SERTM1: variants seen among roughly 807,000 people sequenced by gnomAD.
SERTM1 encodes the protein serine rich and transmembrane domain containing 1.
SERTM1 carries 1 observed loss-of-function variant against 5.5 expected under a neutral mutation model. The ratio of observed to expected loss-of-function variants is 0.18; its 90% CI spans 0.06 to 0.86. SERTM1 has a LOEUF of 0.86. Among genes scored for constraint, SERTM1 ranks in the 40% least tolerant of loss-of-function variants. The pLI is 0.69. For missense variants in SERTM1, 91 were observed against 122.4 expected (o/e 0.74, Z 1.21); for synonymous variants, 52 against 55.1 (o/e 0.94, Z 0.25).
At chr13:36,679,803 T>A (rs1194857272) in intron 1 of SERTM1, among the ~76,000 whole-genome samples, 1 of 152,242 alleles carries the variant, frequency 6.6e-6, no homozygotes, top group African/African-American at 2.4e-5. Flanking sequence ...AAGAAAATAA[T>A]TCCTATGAGT....
chr13:36,681,547 A>G lies in SERTM1; in HGVS notation c.-174+7363A>G, dbSNP rs551004638. On this transcript the variant is annotated intron_variant, in intron 1 of 1. Coordinates refer to ENST00000315190, the MANE Select transcript of SERTM1 (RefSeq NM_203451.3). Reference sequence around the variant, plus strand: ...TTGAGATGGAGTAGCTAACAATCCTATGGTATGTGATATTCCTGAATGTAG... The same window carrying G: ...TTGAGATGGAGTAGCTAACAATCCTGTGGTATGTGATATTCCTGAATGTAG... 3.3e-5 allele frequency among the ~76,000 whole-genome samples: 5 copies of G among 152,310 alleles called. No homozygotes were observed. The East Asian group carries it at 7.7e-4, about 23-fold the overall frequency.
intron 1 of SERTM1, among the ~76,000 whole-genome samples, chr13:36,688,218 TA>T: frequency 6.6e-6 from 1 of 151,992 alleles, no homozygotes; most frequent in Admixed American, 6.5e-5. Flanking sequence ...TTATTTCATG[TA>T]TTTTTTTTTT....
At chr13:36,686,473 TAAC>T (rs1354796548) in intron 1 of SERTM1, among the ~76,000 whole-genome samples, 2 of 152,242 alleles carry the variant, frequency 1.3e-5, no homozygotes, top group African/African-American at 4.8e-5. Context: ...GCAAGAATAA[TAAC>T]AATAAATACC....
intron 1 of SERTM1, among the ~76,000 whole-genome samples, chr13:36,680,748 TTTTG>T (rs548383850): frequency 3.2e-4 from 49 of 152,256 alleles, no homozygotes; most frequent in Admixed American, 1.4e-3. Context: ...GTTGTTGTCG[TTTTG>T]TTTGTTTGTT....
At chr13:36,674,231 G>T (rs1443846910) in intron 1 of SERTM1, 47 bp downstream of exon 1, 1 of 152,104 alleles carries the variant, frequency 6.6e-6, no homozygotes, top group Non-Finnish European at 1.5e-5. Context: ...GGGTGAACTT[G>T]CCCTACGCGG....
chr13:36,682,773 T>C (rs970235876), intron 1 of SERTM1, among the ~76,000 whole-genome samples: 1 of 152,212 alleles, frequency 6.6e-6, no homozygotes, highest in African/African-American at 2.4e-5. Context: ...ATACAAATTA[T>C]AGATGCATTA....
At chr13:36,686,560 G>A (rs1423611964) in intron 1 of SERTM1, among the ~76,000 whole-genome samples, 4 of 152,056 alleles carry the variant, frequency 2.6e-5, no homozygotes, top group African/African-American at 7.2e-5. Flanking sequence ...ATGTATATGC[G>A]TAAGTGTGCA....
intron 1 of SERTM1, among the ~76,000 whole-genome samples, chr13:36,674,644 C>A (rs1018291818): frequency 1.6e-4 from 24 of 152,120 alleles, no homozygotes; most frequent in Admixed American, 6.5e-4. Context: ...TGTGGAGGGT[C>A]ATTCTTGGGT....
chr13:36,690,070 T>A (rs904472961), intron 1 of SERTM1, among the ~76,000 whole-genome samples: 1 of 152,244 alleles, frequency 6.6e-6, no homozygotes, highest in Admixed American at 6.5e-5. Flanking sequence ...TTTCTGATCA[T>A]TCATTTAGAT....
rs55906729 is a variant in SERTM1 at position 36,690,803 on chromosome 13, A to G, written c.-173-4103A>G. 6.9e-3 allele frequency among the ~76,000 whole-genome samples: 1,057 copies of G among 152,284 alleles called. 8 individuals carry two copies. The highest frequency in any genetic ancestry group is 0.011 in the Non-Finnish European group (778 of 68,006). ...TTTTGTGTACTGGAAAAAGCTTTTT[A>G]TTATGTTGTGTTAATACTTTGTGGC... On this transcript the variant is annotated intron_variant, in intron 1 of 1. Transcript: ENST00000315190.
chr13:36,696,328 T>C lies in SERTM1; in HGVS notation c.*926T>C, dbSNP rs2056813537. 6.0e-6 allele frequency: 1 copy of C among 166,620 alleles called. No individual in the cohort carries two copies. Among genetic ancestry groups the C allele is most frequent in the African/African-American group, 2.4e-5 (1 of 41,580 alleles). The allele number at this position is 166,620 out of a possible 1,614,324, so 10.3% of individuals were successfully genotyped here. On this transcript the variant is annotated 3_prime_UTR_variant, in exon 2 of 2. Coordinates refer to ENST00000315190, the MANE Select transcript of SERTM1 (RefSeq NM_203451.3). ...GGTTTCATAGTCTTTATAATTTTAGTGCAGAATTATATTAAGCCTCCAAGA... is the reference window on the plus strand; with the variant it reads ...GGTTTCATAGTCTTTATAATTTTAGCGCAGAATTATATTAAGCCTCCAAGA...
At chr13:36,688,805 TGTTGG>T (rs2056758938) in intron 1 of SERTM1, among the ~76,000 whole-genome samples, 1 of 152,234 alleles carries the variant, frequency 6.6e-6, no homozygotes, top group Admixed American at 6.5e-5. Flanking sequence ...TTTCTCTGGC[TGTTGG>T]CTTTTTCTGT....
intron 1 of SERTM1, among the ~76,000 whole-genome samples, chr13:36,684,254 A>G (rs1286755285): frequency 6.6e-6 from 1 of 151,986 alleles, no homozygotes; most frequent in Non-Finnish European, 1.5e-5. Context: ...CTGAGATCGC[A>G]CCACTGCACT....
chr13:36,687,505 C>CTT (rs372184145), intron 1 of SERTM1, among the ~76,000 whole-genome samples: 1 of 148,906 alleles, frequency 6.7e-6, no homozygotes, highest in African/African-American at 2.5e-5. Context: ...GGAATCTTTA[C>CTT]TTTTTTTTTT....
intron 1 of SERTM1, among the ~76,000 whole-genome samples, chr13:36,689,855 G>C (rs2056766900): frequency 6.6e-6 from 1 of 151,794 alleles, no homozygotes; most frequent in Non-Finnish European, 1.5e-5. Context: ...TTTTTGCTGA[G>C]GAAATATTTT....
At chr13:36,694,650 T>C (rs1432528043) in intron 1 of SERTM1, among the ~76,000 whole-genome samples, 1 of 152,232 alleles carries the variant, frequency 6.6e-6, no homozygotes, top group Admixed American at 6.5e-5. Flanking sequence ...ATCATAAATG[T>C]ATTTTCCCTT....
At position 36,695,741 on chromosome 13, in the gene SERTM1, G is replaced by A. The variant is rs767976409; in HGVS notation, c.*339G>A. On this transcript the variant is annotated 3_prime_UTR_variant, in exon 2 of 2. Transcript: ENST00000315190. ...CTCCGTGGATGCTGGACATGGACTCGCACTTCATTTCTTTTACAAAGCCGT... is the reference window on the plus strand; with the variant it reads ...CTCCGTGGATGCTGGACATGGACTCACACTTCATTTCTTTTACAAAGCCGT... 2.8e-5 allele frequency: 7 copies of A among 246,866 alleles called. No homozygotes were observed. Among genetic ancestry groups the A allele is most frequent in the Non-Finnish European group, 5.8e-5 (7 of 120,638 alleles). 15.3% of individuals were successfully genotyped at this position (246,866 alleles called of 1,614,324 possible).
chr13:36,686,396 A>C (rs529229903), intron 1 of SERTM1, among the ~76,000 whole-genome samples: 2 of 152,352 alleles, frequency 1.3e-5, no homozygotes, highest in East Asian at 3.9e-4. Context: ...ATATTTTCTT[A>C]AGTTCCTTGG....
chr13:36,677,143 TA>T (rs1198394678), intron 1 of SERTM1, among the ~76,000 whole-genome samples: 1 of 152,158 alleles, frequency 6.6e-6, no homozygotes. Flanking sequence ...TCTCATGACA[TA>T]AAATGCGTCC....
Sources: gnomAD v4.1 joint callset for allele counts (sites outside exome capture counted in the v4.1 genomes callset) on GRCh38, gnomAD v4.1.1 for gene constraint, MANE v1.5 for transcripts, NCBI Gene and HGNC (gene_info 2026-07-23, HGNC 2026-07-21) for gene names.